Variants in ARHGAP17 observed in about 807,000 individuals in gnomAD.
ARHGAP17 encodes the protein Rho GTPase activating protein 17, also known as rho GTPase-activating protein 17.
ARHGAP17 carries 57 observed loss-of-function variants against 99.5 expected under a neutral mutation model. The ratio of observed to expected loss-of-function variants is 0.57; its 90% CI spans 0.46 to 0.71. The LOEUF is 0.71. ARHGAP17 is among the 30% of genes least tolerant of loss of function. The pLI, the probability that ARHGAP17 is intolerant of heterozygous loss-of-function variation, is 0.00. For missense variants in ARHGAP17, 1,000 were observed against 1,122.4 expected, an observed-to-expected ratio of 0.89 and a Z score of 1.56; for synonymous variants, 417 against 429.6, an observed-to-expected ratio of 0.97 and a Z score of 0.36.
chr16:25,009,041 T>C (rs1289473704), intron 1 of ARHGAP17, among the ~76,000 whole-genome samples: 1 of 152,184 alleles, frequency 6.6e-6, no homozygotes, highest in Non-Finnish European at 1.5e-5. Context: ...TACCTATCCC[T>C]TCTCAGAAAT....
At chr16:25,000,556 A>AT (rs1171180079) in intron 1 of ARHGAP17, among the ~76,000 whole-genome samples, 4 of 152,010 alleles carry the variant, frequency 2.6e-5, no homozygotes, top group Non-Finnish European at 5.9e-5. Context: ...TGTGTGGATG[A>AT]TTTTTTCTGG....
At chr16:24,972,104 C>A (rs899868239) in intron 3 of ARHGAP17, among the ~76,000 whole-genome samples, 1 of 152,238 alleles carries the variant, frequency 6.6e-6, no homozygotes, top group Non-Finnish European at 1.5e-5. Context: ...ATGTCACTTG[C>A]CTCTTCTGCC....
At position 24,943,827 on chromosome 16, in the gene ARHGAP17, T is replaced by C. The variant is rs747620807; in HGVS notation, c.1277A>G (p.His426Arg). ...GATGGGTTCAATCACTGCAACCACA[T>C]GGACGGATGTGGCTGCTGCCATTTC... is the stretch of plus-strand genomic sequence containing the variant. ...LAEMAAATSV[H>R]VVAVIEPIIQ... is the part of the protein sequence containing the mutation. The change falls in exon 15 of 20, where the codon CAT (histidine) becomes CGT (arginine). Residue 426 changes from histidine to arginine, a missense_variant. By Grantham distance (29) the His-to-Arg change is conservative. This residue lies in a region of ARHGAP17 where 472 missense variants were observed against 611.1 expected (regional missense o/e 0.77). Coordinates refer to ENST00000289968, the MANE Select transcript of ARHGAP17 (RefSeq NM_001006634.3). The C allele has an allele frequency of 6.2e-7, 1 of 1,614,218 alleles. No homozygotes were observed. Among genetic ancestry groups the C allele is most frequent in the Non-Finnish European group, 8.5e-7 (1 of 1,180,036 alleles).
At chr16:24,989,487 C>T (rs1247960745) in intron 1 of ARHGAP17, among the ~76,000 whole-genome samples, 1 of 151,872 alleles carries the variant, frequency 6.6e-6, no homozygotes, top group Non-Finnish European at 1.5e-5. Context: ...CTACACATGA[C>T]AGTCCTGGAG....
chr16:24,948,371 T>C (rs2344753), intron 13 of ARHGAP17, among the ~76,000 whole-genome samples: 10,058 of 152,172 alleles, frequency 0.066, 1,043 homozygotes, highest in African/African-American at 0.22. Flanking sequence ...TAAGAAACTG[T>C]AAACACTGGA....
rs574925150 is a variant in ARHGAP17 at position 24,920,246 on chromosome 16, C to A, written c.2530G>T (p.Val844Phe). 7.4e-6 allele frequency: 12 copies of A among 1,613,996 alleles called. No individual in the cohort carries two copies. The Admixed American group carries it at 1.8e-4, about 25-fold the overall frequency. The change falls in exon 20 of 20, where the codon GTT becomes TTT. Residue 844 changes from valine (V) to phenylalanine (F), a missense_variant. Physicochemically the swap from Val to Phe is conservative, Grantham distance 50 (BLOSUM62 -1). This residue lies in a region of ARHGAP17 where 528 missense variants were observed against 511.4 expected (regional missense o/e 1.03). Coordinates refer to ENST00000289968, the MANE Select transcript of ARHGAP17 (RefSeq NM_001006634.3). ...AAGATGCTGCGATGCGGTTCTGAAA[C>A]CCTGGAATTGGAGTCTGGACAAAAA... Reference protein sequence around the residue: ...SKIVTDSNSRVSEPHRSIFPE... With the variant: ...SKIVTDSNSRFSEPHRSIFPE...
chr16:24,949,277 G>T, intron 13 of ARHGAP17, 127 bp downstream of exon 13: 1 of 657,194 alleles, frequency 1.5e-6, no homozygotes, highest in Non-Finnish European at 2.5e-6. Context: ...ACTCTCCAAA[G>T]TGATGTGGTT....
intron 19 of ARHGAP17, among the ~76,000 whole-genome samples, chr16:24,923,617 G>A (rs1278743448): frequency 6.6e-6 from 1 of 151,416 alleles, no homozygotes; most frequent in Non-Finnish European, 1.5e-5. Context: ...CCACCTTCCA[G>A]CTACTTGGGA....
chr16:24,988,716 C>G (rs576724926), intron 1 of ARHGAP17, among the ~76,000 whole-genome samples: 1 of 152,308 alleles, frequency 6.6e-6, no homozygotes, highest in South Asian at 2.1e-4. Context: ...GCTTTTTCCC[C>G]TCTGGCACAT....
At chr16:24,949,924 C>T (rs1013438878) in intron 12 of ARHGAP17, among the ~76,000 whole-genome samples, 1 of 152,168 alleles carries the variant, frequency 6.6e-6, no homozygotes, top group Admixed American at 6.5e-5. Context: ...TCCTCGCTTG[C>T]AATACTGCAA....
intron 3 of ARHGAP17, among the ~76,000 whole-genome samples, chr16:24,975,268 A>C (rs2052480952): frequency 6.6e-6 from 1 of 152,254 alleles, no homozygotes. Flanking sequence ...GCATGCTAGA[A>C]TAGACATCTA....
intron 1 of ARHGAP17, among the ~76,000 whole-genome samples, chr16:24,995,929 T>C (rs899137717): frequency 1.3e-5 from 2 of 152,174 alleles, no homozygotes; most frequent in Non-Finnish European, 2.9e-5. Flanking sequence ...GGCTTTGCTA[T>C]GTGGTCCAGG....
At chr16:24,932,586 C>CA (rs1418521262) in intron 18 of ARHGAP17, among the ~76,000 whole-genome samples, 1 of 152,106 alleles carries the variant, frequency 6.6e-6, no homozygotes, top group Non-Finnish European at 1.5e-5. Flanking sequence ...GTCTTAATAA[C>CA]AGAATTTCTA....
intron 18 of ARHGAP17, 113 bp from the exon 19 acceptor site, chr16:24,931,517 CCT>C: frequency 8.9e-7 from 1 of 1,117,540 alleles, no homozygotes; most frequent in Non-Finnish European, 1.2e-6. Flanking sequence ...GCATCATGTA[CCT>C]CTGATGAGAG....
At chr16:24,968,844 T>C (rs1236544895) in intron 4 of ARHGAP17, 72 bp from the exon 5 acceptor site, 3 of 1,449,816 alleles carry the variant, frequency 2.1e-6, no homozygotes, top group Non-Finnish European at 2.9e-6. Flanking sequence ...TGTGGATCAG[T>C]GCTGCTTGCC....
intron 18 of ARHGAP17, among the ~76,000 whole-genome samples, chr16:24,932,599 A>C (rs1256514135): frequency 6.6e-6 from 1 of 152,146 alleles, no homozygotes; most frequent in Non-Finnish European, 1.5e-5. Flanking sequence ...AATTTCTACC[A>C]ATTCCGCAAC....
In ARHGAP17 at chr16:24,959,984, G is replaced by T. The variant is rs1322974895; in HGVS notation, c.574-5C>A. The T allele has an allele frequency of 2.5e-6, 4 of 1,613,632 alleles. No homozygotes were observed. The East Asian group carries it at 6.7e-5, about 27-fold the overall frequency. ...CATGTCTGCTGCAAGTTGATCCTGGGTAAATGGAAGATAAGAGGTTATTGA... is the reference window on the plus strand; with the variant it reads ...CATGTCTGCTGCAAGTTGATCCTGGTTAAATGGAAGATAAGAGGTTATTGA... On this transcript the variant is annotated splice_region_variant and splice_polypyrimidine_tract_variant and intron_variant, in intron 7 of 19. Coordinates refer to ENST00000289968, the MANE Select transcript of ARHGAP17 (RefSeq NM_001006634.3).
At chr16:24,942,546 C>G (rs2051343763) in intron 15 of ARHGAP17, among the ~76,000 whole-genome samples, 1 of 152,084 alleles carries the variant, frequency 6.6e-6, no homozygotes, top group African/African-American at 2.4e-5. Flanking sequence ...GCAGGCGGAT[C>G]ACTTGAGGTC....
chr16:24,986,229 T>A (rs2052866191), intron 1 of ARHGAP17, among the ~76,000 whole-genome samples: 1 of 152,142 alleles, frequency 6.6e-6, no homozygotes, highest in Admixed American at 6.5e-5. Flanking sequence ...ACATCAACCC[T>A]ATTGGGTAGG....
Sources: allele counts gnomAD v4.1 joint callset (sites outside exome capture counted in the v4.1 genomes callset), GRCh38; gene constraint gnomAD v4.1.1; regional missense constraint gnomAD v4.1.1; transcripts MANE v1.5; gene names NCBI Gene and HGNC (gene_info 2026-07-23, HGNC 2026-07-21).